Variants in C12orf56 observed in about 807,000 individuals in gnomAD.
C12orf56 encodes chromosome 12 open reading frame 56.
A neutral mutation model predicts 69.9 loss-of-function variants in C12orf56; 71 were observed. The ratio of observed to expected loss-of-function variants is 1.02; its 90% CI spans 0.84 to 1.24. The LOEUF is 1.24. C12orf56 is among the 50% of genes most tolerant of loss of function. The pLI, the probability that C12orf56 is intolerant of heterozygous loss-of-function variation, is 0.00. For missense variants in C12orf56, 732 were observed against 738.5 expected, an observed-to-expected ratio of 0.99 and a Z score of 0.10; for synonymous variants, 276 against 274.1, an observed-to-expected ratio of 1.01 and a Z score of -0.07.
intron 6 of C12orf56, among the ~76,000 whole-genome samples, chr12:64,300,356 G>A: frequency 6.6e-6 from 1 of 151,874 alleles, no homozygotes; most frequent in East Asian, 1.9e-4. Context: ...CCACAGCCTA[G>A]GCCACAGGTA....
At chr12:64,313,021 G>T (rs554102378) in intron 4 of C12orf56, among the ~76,000 whole-genome samples, 49 of 152,096 alleles carry the variant, frequency 3.2e-4, no homozygotes, top group African/African-American at 1.1e-3. Context: ...AGCACTTTGG[G>T]AGGCCGAGGC....
rs1478474335 is a variant in C12orf56, at chr12:64,265,385, G to GT, written c.*1797dup. The GT allele has an allele frequency of 6.6e-6, 1 of 152,234 alleles. No individual in the cohort carries two copies. Among genetic ancestry groups the GT allele is most frequent in the Non-Finnish European group, 1.5e-5 (1 of 68,096 alleles). 9.4% of individuals were successfully genotyped at this position (152,234 alleles called of 1,614,324 possible). ...GTGACAGCTGAAAGGGAAACTTTGGGTAAAAAGAAAGGAGGATTACTTGAA... is the reference window on the plus strand; with the variant it reads ...GTGACAGCTGAAAGGGAAACTTTGGGTTAAAAAGAAAGGAGGATTACTTGAA... On this transcript the variant is annotated 3_prime_UTR_variant, in exon 13 of 13. Coordinates refer to ENST00000543942, the MANE Select transcript of C12orf56 (RefSeq NM_001170633.2).
intron 2 of C12orf56, among the ~76,000 whole-genome samples, chr12:64,346,645 G>C (rs964943845): frequency 9.9e-5 from 15 of 152,122 alleles, no homozygotes; most frequent in African/African-American, 3.4e-4. Context: ...TAGAGATGTG[G>C]GTGGCAGTAG....
At chr12:64,317,644 C>T (rs10878147) in intron 4 of C12orf56, among the ~76,000 whole-genome samples, 62,880 of 151,710 alleles carry the variant, frequency 0.41, 13,101 homozygotes, top group African/African-American at 0.43. Context: ...ACTGTAATCC[C>T]AGCTACTCAG....
chr12:64,308,940 G>GAAAGAAAGAAAAAA (rs35488127), intron 5 of C12orf56, among the ~76,000 whole-genome samples: 1 of 80,828 alleles, frequency 1.2e-5, no homozygotes, highest in African/African-American at 4.6e-5. Flanking sequence ...AAGAAAGAAA[G>GAAAGAAAGAAAAAA]AAGAAAGAAA....
At chr12:64,320,219 A>G (rs867482681) in intron 3 of C12orf56, among the ~76,000 whole-genome samples, 76 of 152,348 alleles carry the variant, frequency 5.0e-4, no homozygotes, top group African/African-American at 1.7e-3. Context: ...ACATAGCCCA[A>G]GATTCCATTC....
chr12:64,342,318 A>G lies in C12orf56; in HGVS notation c.415+10576T>C, dbSNP rs181764496. Reference sequence around the variant, plus strand: ...GGTGCACTGCTCGAAGTTCTGCCCAATGGGAAGATTTCCCTTCACCACTGT... The same window carrying G: ...GGTGCACTGCTCGAAGTTCTGCCCAGTGGGAAGATTTCCCTTCACCACTGT... On this transcript the variant is annotated intron_variant, in intron 2 of 12. Coordinates refer to ENST00000543942, the MANE Select transcript of C12orf56 (RefSeq NM_001170633.2). 3.9e-5 allele frequency among the ~76,000 whole-genome samples: 6 copies of G among 152,310 alleles called. No individual in the cohort carries two copies. In the South Asian group the frequency reaches 6.2e-4, roughly 16 times the overall value.
intron 1 of C12orf56, among the ~76,000 whole-genome samples, chr12:64,371,044 C>CAGTTG (rs2039563957): frequency 6.6e-6 from 1 of 152,120 alleles, no homozygotes; most frequent in African/African-American, 2.4e-5. Context: ...AATAAACCCA[C>CAGTTG]ACATATATGG....
intron 6 of C12orf56, among the ~76,000 whole-genome samples, chr12:64,292,723 C>T (rs1353280725): frequency 5.3e-5 from 1 of 18,922 alleles, no homozygotes; most frequent in Non-Finnish European, 3.6e-4. Flanking sequence ...AGATCTCCAG[C>T]TGCATGCTGG....
intron 1 of C12orf56, among the ~76,000 whole-genome samples, chr12:64,366,262 TACAGTTTATATATTATATATAATATAC>T (rs2039481989): frequency 8.7e-6 from 1 of 115,510 alleles, no homozygotes; most frequent in East Asian, 2.5e-4. Context: ...ATATATAATA[TACAGTTTATATATTATATATAATATAC>T]AGTTTATATA....
chr12:64,340,846 T>C (rs1396101114), intron 2 of C12orf56, among the ~76,000 whole-genome samples: 2 of 152,210 alleles, frequency 1.3e-5, no homozygotes, highest in African/African-American at 4.8e-5. Context: ...CATGGTTTTT[T>C]CCTGGTGGAG....
chr12:64,319,518 C>T (rs1473103826), intron 3 of C12orf56, among the ~76,000 whole-genome samples: 1 of 152,168 alleles, frequency 6.6e-6, no homozygotes, highest in African/African-American at 2.4e-5. Flanking sequence ...ACCTCAGCCT[C>T]CTGAGTAGCT....
chr12:64,334,265 T>C (rs936403441), intron 2 of C12orf56, among the ~76,000 whole-genome samples: 3 of 152,194 alleles, frequency 2.0e-5, no homozygotes, highest in Non-Finnish European at 4.4e-5. Flanking sequence ...CCTGAGAGAC[T>C]CATCAGTTTC....
At chr12:64,383,314 A>C (rs996660419) in intron 1 of C12orf56, among the ~76,000 whole-genome samples, 1 of 152,036 alleles carries the variant, frequency 6.6e-6, no homozygotes, top group Non-Finnish European at 1.5e-5. Context: ...CTCAAAAAAA[A>C]AAAAACCAAG....
At chr12:64,296,582 T>C (rs932097373) in intron 6 of C12orf56, among the ~76,000 whole-genome samples, 3 of 152,172 alleles carry the variant, frequency 2.0e-5, no homozygotes, top group African/African-American at 4.8e-5. Flanking sequence ...TTTGGACTTA[T>C]GAGTTGATGC....
chr12:64,365,774 T>C (rs2135965528), intron 1 of C12orf56, among the ~76,000 whole-genome samples: 1 of 142,382 alleles, frequency 7.0e-6, no homozygotes, highest in East Asian at 2.0e-4. Flanking sequence ...ATATAATACA[T>C]ATAATAAATA....
At chr12:64,312,450 A>T (rs918378176) in intron 5 of C12orf56, among the ~76,000 whole-genome samples, 2 of 152,186 alleles carry the variant, frequency 1.3e-5, no homozygotes, top group African/African-American at 4.8e-5. Context: ...TCCACTAAAA[A>T]ATACAAAAAT....
Position 64,296,586 on chromosome 12 carries a change from T to G in C12orf56, c.1113+7049A>C, listed in dbSNP as rs934211361. 1.5e-4 allele frequency among the ~76,000 whole-genome samples: 23 copies of G among 152,130 alleles called. 1 individual carries two copies. Among genetic ancestry groups the G allele is most frequent in the African/African-American group, 5.3e-4 (22 of 41,412 alleles). ...ACAATTGGTAATTTGGACTTATGAG[T>G]TGATGCTGGAATGAATTAAGATTTT... On this transcript the variant is annotated intron_variant, in intron 6 of 12. Coordinates refer to ENST00000543942, the MANE Select transcript of C12orf56 (RefSeq NM_001170633.2).
intron 1 of C12orf56, among the ~76,000 whole-genome samples, chr12:64,362,408 G>A (rs1260889675): frequency 3.3e-5 from 5 of 152,062 alleles, no homozygotes; most frequent in Non-Finnish European, 7.4e-5. Context: ...CAAAGTAAAC[G>A]AGGCCGGGCG....
Sources: allele counts gnomAD v4.1 joint callset (sites outside exome capture counted in the v4.1 genomes callset), GRCh38; gene constraint gnomAD v4.1.1; transcripts MANE v1.5; gene names NCBI Gene and HGNC (gene_info 2026-07-23, HGNC 2026-07-21).